Variants in ZNRF3 observed in about 807,000 individuals in gnomAD.
The protein encoded by ZNRF3 is zinc and ring finger 3.
Under a neutral mutation model 72.5 loss-of-function variants are expected in ZNRF3, and 23 were observed. That is an observed-to-expected ratio of 0.32 (90% CI 0.23 to 0.45). The LOEUF (loss-of-function observed/expected upper bound fraction) is 0.45, where lower values mean the gene tolerates loss of function less well. ZNRF3 is among the 20% of genes least tolerant of loss of function. ZNRF3 has a pLI of 1.00. For missense variants in ZNRF3, 1,169 were observed against 1,272.1 expected, an observed-to-expected ratio of 0.92 and a Z score of 1.23; for synonymous variants, 610 against 545.3, an observed-to-expected ratio of 1.12 and a Z score of -1.65.
intron 1 of ZNRF3, among the ~76,000 whole-genome samples, chr22:28,965,393 G>A (rs1361808431): frequency 6.6e-6 from 1 of 152,178 alleles, no homozygotes; most frequent in South Asian, 2.1e-4. Flanking sequence ...TACCTTTGAA[G>A]TAGATATTCT....
chr22:28,966,270 T>C (rs1381335743), intron 1 of ZNRF3, among the ~76,000 whole-genome samples: 2 of 152,216 alleles, frequency 1.3e-5, no homozygotes, highest in Non-Finnish European at 2.9e-5. Flanking sequence ...CCTATAGTCA[T>C]GTGTCGCATA....
At chr22:29,047,739 T>C (rs1247278557) in intron 6 of ZNRF3, among the ~76,000 whole-genome samples, 2 of 152,046 alleles carry the variant, frequency 1.3e-5, no homozygotes, top group Non-Finnish European at 2.9e-5. Context: ...GGTCAGAAAA[T>C]TGAAAGACAA....
At chr22:29,044,119 A>G (rs1260736824) in intron 4 of ZNRF3, among the ~76,000 whole-genome samples, 1 of 152,180 alleles carries the variant, frequency 6.6e-6, no homozygotes, top group South Asian at 2.1e-4. Flanking sequence ...ATTCTTTCCC[A>G]TACACAACAT....
intron 1 of ZNRF3, among the ~76,000 whole-genome samples, chr22:28,899,951 G>A (rs1333846010): frequency 6.6e-6 from 1 of 152,106 alleles, no homozygotes; most frequent in Non-Finnish European, 1.5e-5. Context: ...ACTTTTGCAA[G>A]GCTGTTTTAA....
chr22:29,010,209 C>A (rs1236906219), intron 2 of ZNRF3, among the ~76,000 whole-genome samples: 1 of 151,906 alleles, frequency 6.6e-6, no homozygotes, highest in African/African-American at 2.4e-5. Flanking sequence ...GCACCCAGCC[C>A]CTCTTCTTAA....
In ZNRF3 at chr22:28,896,433, C is replaced by G. The variant is rs536057693; in HGVS notation, c.300+12367C>G. On this transcript the variant is annotated intron_variant, in intron 1 of 8. Transcript: ENST00000544604. ...CAGGTGTGAGCCACCACGCCTGGCC[C>G]CTATATTTTTAGTAGAGACAGGGTT... Among the ~76,000 whole-genome samples the G allele has an allele frequency of 4.6e-3, 700 of 152,002 alleles. 1 individual carries two copies. Among genetic ancestry groups the G allele is most frequent in the Non-Finnish European group, 7.1e-3 (481 of 67,970 alleles).
At chr22:29,014,687 A>T (rs6005955) in intron 2 of ZNRF3, among the ~76,000 whole-genome samples, 71,907 of 152,098 alleles carry the variant, frequency 0.47, 17,337 homozygotes, top group Non-Finnish European at 0.51. Context: ...TAGACGCTGC[A>T]GATACAGTAC....
rs770387506 is a variant in ZNRF3 at position 29,049,521 on chromosome 22, G to A, written c.1340G>A (p.Arg447His). ...HRAYSPAHPF[R>H]RPKLSGRSFS... is the part of the protein sequence containing the mutation. Reference sequence around the variant, plus strand: ...GCCTACTCCCCAGCCCACCCCTTCCGCAGGCCCAAGTTGAGTGGCCGCAGC... The same window carrying A: ...GCCTACTCCCCAGCCCACCCCTTCCACAGGCCCAAGTTGAGTGGCCGCAGC... Residue 447 changes from arginine (R) to histidine (H), a missense_variant, in exon 8 of 9, where the codon CGC (arginine) becomes CAC (histidine). Physicochemically the swap from Arg to His is conservative, Grantham distance 29. Transcript: ENST00000544604. This position sits in a 1 kb window ranked among gnomAD's most constrained non-coding sequence, Gnocchi z 5.2. The A allele has an allele frequency of 8.7e-6, 14 of 1,604,094 alleles. No homozygotes were observed. Among genetic ancestry groups the A allele is most frequent in the South Asian group, 4.4e-5 (4 of 90,754 alleles).
At chr22:28,978,945 G>C (rs141242114) in intron 1 of ZNRF3, among the ~76,000 whole-genome samples, 2 of 152,094 alleles carry the variant, frequency 1.3e-5, no homozygotes, top group African/African-American at 4.8e-5. Flanking sequence ...TCCAATCCTG[G>C]TGTAAGTTTT....
intron 1 of ZNRF3, among the ~76,000 whole-genome samples, chr22:28,935,455 C>G (rs2034802707): frequency 6.6e-6 from 1 of 152,192 alleles, no homozygotes; most frequent in African/African-American, 2.4e-5. Context: ...TTTCTGGGTG[C>G]TCTGCCCATG....
At chr22:28,975,507 CAAAAAAA>C (rs71316877) in intron 1 of ZNRF3, among the ~76,000 whole-genome samples, 1 of 47,858 alleles carries the variant, frequency 2.1e-5, no homozygotes, top group Non-Finnish European at 3.7e-5. Context: ...TACTCTGTCT[CAAAAAAA>C]AAAAAAAAAA....
intron 2 of ZNRF3, among the ~76,000 whole-genome samples, chr22:29,004,962 C>A (rs908170954): frequency 6.6e-6 from 1 of 152,222 alleles, no homozygotes; most frequent in African/African-American, 2.4e-5. Context: ...ACCAGGGAGC[C>A]GCTCAGTTCC....
At chr22:28,960,702 C>A (rs1326625826) in intron 1 of ZNRF3, among the ~76,000 whole-genome samples, 1 of 152,170 alleles carries the variant, frequency 6.6e-6, no homozygotes, top group Non-Finnish European at 1.5e-5. Context: ...GAAACTGGGT[C>A]GTTTCCAGTT....
intron 2 of ZNRF3, among the ~76,000 whole-genome samples, chr22:28,996,818 C>G (rs2036052088): frequency 6.6e-6 from 1 of 152,190 alleles, no homozygotes; most frequent in South Asian, 2.1e-4. Flanking sequence ...AACCTTCAAC[C>G]TTGACGTAGA....
intron 1 of ZNRF3, among the ~76,000 whole-genome samples, chr22:28,895,152 C>T (rs951244440): frequency 6.6e-6 from 1 of 152,182 alleles, no homozygotes; most frequent in Non-Finnish European, 1.5e-5. Flanking sequence ...CCCAACCAAC[C>T]TGAGTGTGAG....
intron 1 of ZNRF3, among the ~76,000 whole-genome samples, chr22:28,910,421 G>A (rs143489684): frequency 6.6e-6 from 1 of 152,320 alleles, no homozygotes; most frequent in Admixed American, 6.5e-5. Context: ...GAGGACGTAA[G>A]CAGTCTTGGC....
rs534891317 is a variant in ZNRF3 at position 29,048,343 on chromosome 22, C to T, written c.913-46C>T. 4 of 1,552,502 alleles carry T rather than the reference C, an allele frequency of 2.6e-6. No homozygotes were observed. Among genetic ancestry groups the T allele is most frequent in the African/African-American group, 1.4e-5 (1 of 73,942 alleles). ...ATGCTGGACTCTGCAGGAGGACACACCTGCGAGGCTGAAGGCAGACTTGTG... is the reference window on the plus strand; with the variant it reads ...ATGCTGGACTCTGCAGGAGGACACATCTGCGAGGCTGAAGGCAGACTTGTG... On this transcript the variant is annotated intron_variant, in intron 6 of 8. Coordinates refer to ENST00000544604, the MANE Select transcript of ZNRF3 (RefSeq NM_001206998.2). The surrounding 1 kb of genome is among the most constrained non-coding windows in gnomAD (Gnocchi z 4.9).
intron 2 of ZNRF3, among the ~76,000 whole-genome samples, chr22:28,998,483 A>G (rs2036085395): frequency 6.6e-6 from 1 of 152,158 alleles, no homozygotes; most frequent in African/African-American, 2.4e-5. Context: ...TTGGGTAGCT[A>G]TCTCCTACAT....
intron 1 of ZNRF3, among the ~76,000 whole-genome samples, chr22:28,930,899 A>G (rs555933879): frequency 2.0e-5 from 3 of 152,290 alleles, no homozygotes; most frequent in Non-Finnish European, 2.9e-5. Flanking sequence ...GGCACATCAC[A>G]TGGCTGGGTC....
Sources: gnomAD v4.1 joint callset for allele counts (sites outside exome capture counted in the v4.1 genomes callset) on GRCh38, gnomAD v4.1.1 for gene constraint, Gnocchi (gnomAD v3.1) non-coding constraint, MANE v1.5 for transcripts, NCBI Gene and HGNC (gene_info 2026-07-23, HGNC 2026-07-21) for gene names.